Variants in KCNH8 observed in about 807,000 individuals in gnomAD.
KCNH8 encodes the protein potassium voltage-gated channel subfamily H member 8, also known as voltage-gated delayed rectifier potassium channel KCNH8.
In KCNH8, 70 loss-of-function variants were observed where a neutral mutation model predicts 103.6. That is an observed-to-expected ratio of 0.68 (90% CI 0.56 to 0.82). The LOEUF is 0.82. KCNH8 is among the 40% of genes least tolerant of loss of function. KCNH8 has a pLI of 0.00. For synonymous variants in KCNH8, 498 were observed against 489.4 expected (o/e 1.02, Z -0.23); for missense variants, 1,217 against 1,329.9 (o/e 0.92, Z 1.32).
chr3:19,491,161 G>A lies in KCNH8; in HGVS notation c.2041-19202G>A, dbSNP rs543586554. Among the ~76,000 whole-genome samples the A allele has an allele frequency of 3.3e-5, 5 of 152,244 alleles. 1 individual carries two copies. The highest frequency in any genetic ancestry group is 9.6e-5 in the African/African-American group (4 of 41,540). ...TAATTATATACATATATATATGTGT[G>A]AGTGTGTGTGTGAATGGAGTACACT... On this transcript the variant is annotated intron_variant, in intron 11 of 15. Coordinates refer to ENST00000328405, the MANE Select transcript of KCNH8 (RefSeq NM_144633.3).
chr3:19,355,535 A>G (rs188105164), intron 5 of KCNH8, among the ~76,000 whole-genome samples: 1 of 152,238 alleles, frequency 6.6e-6, no homozygotes, highest in African/African-American at 2.4e-5. Flanking sequence ...CATATACAAC[A>G]TGGAATAGTA....
intron 1 of KCNH8, among the ~76,000 whole-genome samples, chr3:19,169,255 CTTTTTTTTTT>C (rs768036667): frequency 1.6e-5 from 2 of 124,960 alleles, no homozygotes; most frequent in Admixed American, 8.1e-5. Flanking sequence ...TTCTTTCTTT[CTTTTTTTTTT>C]TTTTTTTTTT....
chr3:19,252,597 C>T (rs575771019), intron 1 of KCNH8, among the ~76,000 whole-genome samples: 2 of 152,056 alleles, frequency 1.3e-5, no homozygotes, highest in East Asian at 2.0e-4. Context: ...ACCATATTGG[C>T]CAGGCTGGTT....
chr3:19,509,658 ATCTG>A (rs888162617), intron 11 of KCNH8, among the ~76,000 whole-genome samples: 13 of 152,346 alleles, frequency 8.5e-5, no homozygotes, highest in African/African-American at 3.1e-4. Flanking sequence ...TGAAATTTAA[ATCTG>A]TCTTACAATT....
chr3:19,408,897 G>T (rs771881216), intron 7 of KCNH8, among the ~76,000 whole-genome samples: 3 of 152,088 alleles, frequency 2.0e-5, no homozygotes. Flanking sequence ...CAAATTACTG[G>T]CATTCCTTGG....
At chr3:19,520,673 G>C (rs2125247612) in intron 15 of KCNH8, among the ~76,000 whole-genome samples, 1 of 151,944 alleles carries the variant, frequency 6.6e-6, no homozygotes, top group Non-Finnish European at 1.5e-5. Context: ...CTGGTTAATA[G>C]CAAGCAAGAG....
intron 11 of KCNH8, among the ~76,000 whole-genome samples, chr3:19,499,325 G>A (rs1193685774): frequency 6.6e-6 from 1 of 152,180 alleles, no homozygotes; most frequent in Admixed American, 6.6e-5. Context: ...TGATGTACCT[G>A]AAAGTCACAA....
chr3:19,529,518 C>T (rs2069124877), intron 15 of KCNH8, among the ~76,000 whole-genome samples: 1 of 152,142 alleles, frequency 6.6e-6, no homozygotes, highest in Admixed American at 6.5e-5. Context: ...GCACTTGAGC[C>T]ACCACCCTTA....
At chr3:19,281,851 A>G (rs527628296) in intron 3 of KCNH8, among the ~76,000 whole-genome samples, 64 of 152,250 alleles carry the variant, frequency 4.2e-4, no homozygotes, top group African/African-American at 1.5e-3. Context: ...GTTTTAAGAC[A>G]TAAACAAGCT....
chr3:19,203,988 A>C (rs982319304), intron 1 of KCNH8, among the ~76,000 whole-genome samples: 2 of 152,242 alleles, frequency 1.3e-5, no homozygotes, highest in Middle Eastern at 3.4e-3. Context: ...TCATTTTGAG[A>C]ATAGGTATTG....
intron 11 of KCNH8, among the ~76,000 whole-genome samples, chr3:19,474,890 T>G (rs1329485242): frequency 6.6e-6 from 1 of 152,170 alleles, no homozygotes; most frequent in Non-Finnish European, 1.5e-5. Flanking sequence ...ATATTCAGTC[T>G]TCCATCTTGA....
intron 5 of KCNH8, among the ~76,000 whole-genome samples, chr3:19,356,690 T>C (rs1325038948): frequency 6.6e-6 from 1 of 151,920 alleles, no homozygotes; most frequent in Admixed American, 6.6e-5. Flanking sequence ...TACACCACAG[T>C]TGGAGAACTG....
chr3:19,240,745 G>A (rs1245336863), intron 1 of KCNH8, among the ~76,000 whole-genome samples: 1 of 152,118 alleles, frequency 6.6e-6, no homozygotes, highest in Admixed American at 6.5e-5. Flanking sequence ...GACCTGCAGA[G>A]TTTTTGTTCC....
At chr3:19,508,960 T>C (rs1171688716) in intron 11 of KCNH8, among the ~76,000 whole-genome samples, 1 of 152,200 alleles carries the variant, frequency 6.6e-6, no homozygotes, top group Non-Finnish European at 1.5e-5. Flanking sequence ...TGTTCAGCCT[T>C]CCTGAATCCC....
chr3:19,455,500 G>A (rs916750275), intron 10 of KCNH8, among the ~76,000 whole-genome samples: 2 of 151,934 alleles, frequency 1.3e-5, no homozygotes, highest in Non-Finnish European at 2.9e-5. Flanking sequence ...TTAGAAATAA[G>A]GATACTGAGA....
intron 11 of KCNH8, among the ~76,000 whole-genome samples, chr3:19,507,416 G>A (rs1378781715): frequency 6.6e-6 from 1 of 152,170 alleles, no homozygotes; most frequent in Non-Finnish European, 1.5e-5. Context: ...AAGAGTGGGG[G>A]GCCTGGGCTC....
chr3:19,482,494 G>A (rs761165690), intron 11 of KCNH8, among the ~76,000 whole-genome samples: 19 of 152,140 alleles, frequency 1.2e-4, no homozygotes, highest in Non-Finnish European at 2.8e-4. Context: ...GTACACTTGT[G>A]CCAAAGCATT....
At chr3:19,206,180 A>G (rs1480860614) in intron 1 of KCNH8, among the ~76,000 whole-genome samples, 2 of 144,704 alleles carry the variant, frequency 1.4e-5, no homozygotes, top group African/African-American at 5.4e-5. Flanking sequence ...ATATATATAT[A>G]TATATCACAG....
At chr3:19,380,392 C>T (rs2066272654) in intron 5 of KCNH8, among the ~76,000 whole-genome samples, 2 of 152,184 alleles carry the variant, frequency 1.3e-5, no homozygotes, top group Admixed American at 1.3e-4. Context: ...AACCCTAATT[C>T]TGACTATAGG....
Sources: gnomAD v4.1 joint callset for allele counts (sites outside exome capture counted in the v4.1 genomes callset) on GRCh38, gnomAD v4.1.1 for gene constraint, MANE v1.5 for transcripts, NCBI Gene and HGNC (gene_info 2026-07-23, HGNC 2026-07-21) for gene names.